The following CLNK variants were observed in gnomAD, a reference collection of about 807,000 sequenced individuals.
The protein encoded by CLNK is cytokine-dependent hematopoietic cell linker.
CLNK carries 74 observed loss-of-function variants against 68.6 expected under a neutral mutation model. The ratio of observed to expected loss-of-function variants is 1.08; its 90% CI spans 0.89 to 1.31. The LOEUF (loss-of-function observed/expected upper bound fraction) is 1.31, where lower values mean the gene tolerates loss of function less well. Among genes scored for constraint, CLNK ranks in the 50% most tolerant of loss-of-function variants. CLNK has a pLI of 0.00. For missense variants in CLNK, 553 were observed against 515.3 expected (o/e 1.07, Z -0.71); for synonymous variants, 198 against 172.2 (o/e 1.15, Z -1.17).
intron 6 of CLNK, among the ~76,000 whole-genome samples, chr4:10,565,205 CTG>C (rs1720058759): frequency 1.3e-5 from 2 of 152,164 alleles, no homozygotes; most frequent in African/African-American, 2.4e-5. Flanking sequence ...GGTATGGATC[CTG>C]CATTGTTTGT....
intron 17 of CLNK, among the ~76,000 whole-genome samples, chr4:10,505,740 C>A (rs774148103): frequency 6.6e-6 from 1 of 152,122 alleles, no homozygotes; most frequent in Admixed American, 6.5e-5. Flanking sequence ...TATACTGAGC[C>A]CCCCCAGATA....
At chr4:10,695,645 A>G in the CLNK span, among the ~76,000 whole-genome samples, 3 of 152,152 alleles carry the variant, frequency 2.0e-5, no homozygotes, top group Non-Finnish European at 4.4e-5. Context: ...CTTCTGAGTC[A>G]TATTCTTGGA....
At position 10,520,585 on chromosome 4, in the gene CLNK, CAA is replaced by C. The variant is rs530759408; in HGVS notation, c.772+204_772+205del. On this transcript the variant is annotated intron_variant, in intron 15 of 18. Transcript: ENST00000226951. ...AGTGTTGATAGCATAATAATATTCA[CAA>C]GAGGAAAAACTAGAAACCACCTAAG... Among the ~76,000 whole-genome samples, 328 of 152,240 alleles carry C rather than the reference CAA, an allele frequency of 2.2e-3. 2 individuals carry two copies. Among genetic ancestry groups the C allele is most frequent in the African/African-American group, 7.6e-3 (315 of 41,546 alleles).
intron 18 of CLNK, 33 bp from the exon 19 acceptor site, chr4:10,490,646 A>G: frequency 6.5e-7 from 1 of 1,535,754 alleles, no homozygotes; most frequent in Non-Finnish European, 8.8e-7. Context: ...AATGACTTTT[A>G]AAATATCTTT....
chr4:10,653,384 T>A (rs1320108163), intron 2 of CLNK, among the ~76,000 whole-genome samples: 1 of 117,930 alleles, frequency 8.5e-6, no homozygotes, highest in Admixed American at 8.2e-5. Context: ...TAAAATAAAC[T>A]CTCAAAAAAA....
At chr4:10,703,923 T>C in the CLNK span, among the ~76,000 whole-genome samples, 1 of 152,196 alleles carries the variant, frequency 6.6e-6, no homozygotes, top group Admixed American at 6.5e-5. Context: ...ATGTGGTGCA[T>C]GATGTATTTC....
At chr4:10,496,517 T>C (rs908674051) in intron 18 of CLNK, among the ~76,000 whole-genome samples, 5 of 152,230 alleles carry the variant, frequency 3.3e-5, no homozygotes, top group African/African-American at 4.8e-5. Context: ...CTGTGAATTG[T>C]CATTTTTTAC....
chr4:10,725,821 T>C, the CLNK span, among the ~76,000 whole-genome samples: 2 of 149,726 alleles, frequency 1.3e-5, no homozygotes, highest in Non-Finnish European at 3.0e-5. Context: ...GCCACTGCAC[T>C]CCAGCCTGGG....
the CLNK span, among the ~76,000 whole-genome samples, chr4:10,699,512 A>ATATATATATATATTT: frequency 3.7e-4 from 12 of 32,746 alleles, no homozygotes; most frequent in African/African-American, 1.4e-3. Context: ...ATATATATAT[A>ATATATATATATATTT]TTTTTTTTTT....
the CLNK span, among the ~76,000 whole-genome samples, chr4:10,709,859 A>G: frequency 0.8 from 121,519 of 152,036 alleles, 48,926 homozygotes; most frequent in Admixed American, 0.86. Flanking sequence ...AGACATGTGA[A>G]GCCATCCAAG....
At chr4:10,649,262 G>A (rs1723635996) in intron 2 of CLNK, among the ~76,000 whole-genome samples, 1 of 152,156 alleles carries the variant, frequency 6.6e-6, no homozygotes, top group Non-Finnish European at 1.5e-5. Context: ...CAGATATCAT[G>A]ATTAACCTTC....
At chr4:10,689,744 C>A (rs577759274), upstream of CLNK, among the ~76,000 whole-genome samples, 15 of 26,926 alleles carry the variant, frequency 5.6e-4, no homozygotes, top group African/African-American at 1.4e-3. Context: ...AAAACCCATG[C>A]ATTTTTTTTT....
intron 7 of CLNK, among the ~76,000 whole-genome samples, chr4:10,559,954 T>A (rs73228210): frequency 0.15 from 23,535 of 152,156 alleles, 1,898 homozygotes; most frequent in Middle Eastern, 0.18. Flanking sequence ...TTCTACCTAC[T>A]AGATGTCAGT....
chr4:10,733,399 C>T, the CLNK span, among the ~76,000 whole-genome samples: 1 of 152,138 alleles, frequency 6.6e-6, no homozygotes, highest in East Asian at 1.9e-4. Context: ...AGAAAAACAC[C>T]TTTGGAGACA....
At chr4:10,640,158 A>AT (rs566268934) in intron 2 of CLNK, among the ~76,000 whole-genome samples, 7,712 of 144,286 alleles carry the variant, frequency 0.053, 268 homozygotes, top group Middle Eastern at 0.1. Context: ...ATGGACTAAC[A>AT]TTTTTTTTTT....
intron 2 of CLNK, among the ~76,000 whole-genome samples, chr4:10,660,444 T>C (rs1372747027): frequency 6.6e-6 from 1 of 152,254 alleles, no homozygotes. Flanking sequence ...TTTACCGTTT[T>C]TCAATGATTC....
chr4:10,584,468 C>G (rs543563198), intron 4 of CLNK, among the ~76,000 whole-genome samples: 1 of 152,256 alleles, frequency 6.6e-6, no homozygotes, highest in African/African-American at 2.4e-5. Flanking sequence ...CTGTTAAGTG[C>G]GTAGTACCAG....
chr4:10,699,000 T>C, the CLNK span, among the ~76,000 whole-genome samples: 1 of 152,060 alleles, frequency 6.6e-6, no homozygotes, highest in East Asian at 1.9e-4. Context: ...GACTCTTTCT[T>C]GGTCTCAAGG....
intron 2 of CLNK, among the ~76,000 whole-genome samples, chr4:10,620,869 G>A (rs1442083344): frequency 1.3e-5 from 2 of 151,798 alleles, no homozygotes; most frequent in Admixed American, 6.6e-5. Context: ...TTGGGAGGCT[G>A]AGGCAGGCAG....
Sources: allele counts gnomAD v4.1 joint callset (sites outside exome capture counted in the v4.1 genomes callset), GRCh38; gene constraint gnomAD v4.1.1; transcripts MANE v1.5; gene names NCBI Gene and HGNC (gene_info 2026-07-23, HGNC 2026-07-21).